NBDY: variants seen among roughly 807,000 people sequenced by gnomAD.
NBDY encodes the protein P-body dissociating protein.
chrX:56,796,387 G>A (rs187541784), intron 2 of NBDY, among the ~76,000 whole-genome samples: 408 of 111,963 alleles, frequency 3.6e-3, no homozygotes, highest in African/African-American at 0.012. Flanking sequence ...TAGTTTTGGA[G>A]GTTTTCTCCC....
intron 2 of NBDY, among the ~76,000 whole-genome samples, chrX:56,734,315 G>C (rs1476951810): frequency 1.8e-5 from 2 of 111,806 alleles, no homozygotes; most frequent in Non-Finnish European, 3.8e-5. Flanking sequence ...CTTGACAACA[G>C]GAAGGCTGAG....
chrX:56,754,188 A>C (rs763195999), intron 2 of NBDY, among the ~76,000 whole-genome samples: 1 of 111,590 alleles, frequency 9.0e-6, no homozygotes, highest in Non-Finnish European at 1.9e-5. Context: ...AGTATGCCTT[A>C]GGAGAGGAGG....
At chrX:56,794,361 C>T (rs1439465983) in intron 2 of NBDY, among the ~76,000 whole-genome samples, 1 of 112,030 alleles carries the variant, frequency 8.9e-6, no homozygotes, top group Admixed American at 9.4e-5. Context: ...CCCACTGTGC[C>T]TTCGTCTTTC....
At chrX:56,753,361 A>G (rs986164264) in intron 2 of NBDY, among the ~76,000 whole-genome samples, 2 of 112,394 alleles carry the variant, frequency 1.8e-5, no homozygotes, top group Non-Finnish European at 3.8e-5. Context: ...ATTCAGGTGA[A>G]GAAAGTTAGC....
In NBDY at chrX:56,803,826, AAAAG is replaced by A. The variant is rs893187445; in HGVS notation, c.*167-13478_*167-13475del. 1.2e-4 allele frequency among the ~76,000 whole-genome samples: 14 copies of A among 112,160 alleles called. No homozygotes were observed. The South Asian group carries it at 3.7e-3, about 30-fold the overall frequency. ...CAACAAAACAAAACAAAACAAAAAG[AAAAG>A]AAAGAAAGAAAGAAACCGGCCAAGG... On this transcript the variant is annotated intron_variant, in intron 2 of 2. Transcript: ENST00000374922.
intron 1 of NBDY, 98 bp from the exon 2 acceptor site, chrX:56,731,965 A>G: frequency 3.6e-6 from 1 of 281,409 alleles, no homozygotes; most frequent in Non-Finnish European, 6.2e-6. Context: ...TCATTGAAAT[A>G]GAGGTATGGG....
intron 2 of NBDY, among the ~76,000 whole-genome samples, chrX:56,793,748 G>A (rs1378796148): frequency 9.0e-6 from 1 of 110,926 alleles, no homozygotes; most frequent in Admixed American, 9.5e-5. Context: ...CTCATTCTTA[G>A]GATGGCACCC....
At chrX:56,807,639 T>C (rs2069859550) in intron 2 of NBDY, among the ~76,000 whole-genome samples, 1 of 112,014 alleles carries the variant, frequency 8.9e-6, no homozygotes. Flanking sequence ...GGTATAGGAA[T>C]GCTTGTGATG....
At chrX:56,804,020 G>C (rs1374392706) in intron 2 of NBDY, among the ~76,000 whole-genome samples, 6 of 109,984 alleles carry the variant, frequency 5.5e-5, no homozygotes, top group Non-Finnish European at 9.5e-5. Flanking sequence ...CCACCCTTGG[G>C]GCTGTGGCAT....
chrX:56,788,243 CT>C (rs2069741252), intron 2 of NBDY, among the ~76,000 whole-genome samples: 1 of 112,423 alleles, frequency 8.9e-6, no homozygotes, highest in Non-Finnish European at 1.9e-5. Context: ...TTTTTTTCTC[CT>C]TCCTCTTTAT....
chrX:56,782,692 AGTTTGGCAAG>A (rs749335825), intron 2 of NBDY, among the ~76,000 whole-genome samples: 346 of 111,863 alleles, frequency 3.1e-3, no homozygotes, highest in African/African-American at 0.011. Context: ...GCCATTAGGA[AGTTTGGCAAG>A]TTGTCCCGTG....
At position 56,812,508 on chromosome X, in the gene NBDY, A is replaced by G. The variant is rs779052462; in HGVS notation, c.*167-4812A>G. 3.6e-5 allele frequency among the ~76,000 whole-genome samples: 4 copies of G among 109,653 alleles called. No individual in the cohort carries two copies. In the South Asian group the frequency reaches 1.6e-3, roughly 45 times the overall value. ...CTTGGCCTTATGTACTAGGGACTTG[A>G]TGGCCCCTTGAAGTGTGCTGATGAT... On this transcript the variant is annotated intron_variant, in intron 2 of 2. Coordinates refer to ENST00000374922, the MANE Select transcript of NBDY (RefSeq NM_001348129.2).
intron 2 of NBDY, among the ~76,000 whole-genome samples, chrX:56,806,192 G>C (rs1343583772): frequency 8.9e-6 from 1 of 112,012 alleles, no homozygotes; most frequent in Non-Finnish European, 1.9e-5. Context: ...ATGTATATGG[G>C]CCACATTTTC....
At chrX:56,797,284 C>A (rs1460795568) in intron 2 of NBDY, among the ~76,000 whole-genome samples, 1 of 105,986 alleles carries the variant, frequency 9.4e-6, no homozygotes, top group Non-Finnish European at 1.9e-5. Context: ...TTTTCTATTT[C>A]TCCTTCTACA....
intron 2 of NBDY, among the ~76,000 whole-genome samples, chrX:56,766,569 G>A (rs1017121362): frequency 8.9e-6 from 1 of 112,201 alleles, no homozygotes; most frequent in African/African-American, 3.2e-5. Flanking sequence ...CCACAGGCAT[G>A]CGACTGCCCA....
chrX:56,803,338 T>G (rs2069833791), intron 2 of NBDY, among the ~76,000 whole-genome samples: 1 of 111,775 alleles, frequency 8.9e-6, no homozygotes. Flanking sequence ...CTTGGTTCAC[T>G]GGGAGGATAG....
chrX:56,748,787 G>A (rs2069568373), intron 2 of NBDY, among the ~76,000 whole-genome samples: 1 of 100,883 alleles, frequency 9.9e-6, no homozygotes, highest in Non-Finnish European at 2.0e-5. Context: ...TGTGAGAGCA[G>A]AGGCCAGATT....
rs1371552090 is a variant in NBDY at position 56,760,833 on chromosome X, T to C, written c.*166+28634T>C. On this transcript the variant is annotated intron_variant, in intron 2 of 2. Transcript: ENST00000374922. ...CTCCTTCCCTCTGGATTCTTCTTTGTGCAGGGGGTCCCAATGAACCAGCCT... is the reference window on the plus strand; with the variant it reads ...CTCCTTCCCTCTGGATTCTTCTTTGCGCAGGGGGTCCCAATGAACCAGCCT... Among the ~76,000 whole-genome samples the C allele has an allele frequency of 7.6e-4, 85 of 112,102 alleles. 2 individuals are homozygous for C. In the Admixed American group the frequency reaches 8.0e-3, roughly 11 times the overall value.
chrX:56,799,391 C>G lies in NBDY; in HGVS notation c.*167-17929C>G, dbSNP rs563380712. ...CTCGGCAGTCAGTGAACAGTGGTTT[C>G]TCTTAAACCCATTTCAAGATGGGGA... is the stretch of plus-strand genomic sequence containing the variant. On this transcript the variant is annotated intron_variant, in intron 2 of 2. Coordinates refer to ENST00000374922, the MANE Select transcript of NBDY (RefSeq NM_001348129.2). Among the ~76,000 whole-genome samples the G allele has an allele frequency of 2.8e-4, 32 of 113,490 alleles. No individual in the cohort carries two copies. The South Asian group carries it at 8.6e-3, about 31-fold the overall frequency.
Sources: gnomAD v4.1 joint callset for allele counts (sites outside exome capture counted in the v4.1 genomes callset) on GRCh38, gnomAD v4.1.1 for gene constraint, MANE v1.5 for transcripts, NCBI Gene and HGNC (gene_info 2026-07-23, HGNC 2026-07-21) for gene names.